The following IFT140 variants were observed in gnomAD, a reference collection of about 807,000 sequenced individuals.
IFT140 encodes the protein intraflagellar transport protein 140 homolog.
Under a neutral mutation model 164.6 loss-of-function variants are expected in IFT140, and 133 were observed. The observed-to-expected ratio is 0.81, with a 90% confidence interval of 0.70 to 0.93. The LOEUF (loss-of-function observed/expected upper bound fraction) is 0.93, where lower values mean the gene tolerates loss of function less well. Ranked by LOEUF, IFT140 falls within the 40% of genes least tolerant of loss-of-function variation. The probability of loss-of-function intolerance (pLI) is 0.00; values close to 1 mark genes in which losing one functional copy is unlikely to be tolerated. For synonymous variants in IFT140, 860 were observed against 817.3 expected, an observed-to-expected ratio of 1.05 and a Z score of -0.89; for missense variants, 2,045 against 1,972.3, an observed-to-expected ratio of 1.04 and a Z score of -0.70.
At position 1,524,799 on chromosome 16, in the gene IFT140, C is replaced by G. The variant is rs1198558228; in HGVS notation, c.2982G>C (p.Gln994His). Residue 994 changes from glutamine (Q) to histidine (H), a missense_variant, in exon 23 of 31, where the codon CAG becomes CAC. Physicochemically the swap from Gln to His is conservative, Grantham distance 24. Transcript: ENST00000426508. ...GGGACCTTACCTTCTGGACATTGCC[C>G]TGGAAGCAGTGGATGCGGACCAGGG... ...HFSLVRIHCF[Q>H]GNVQKAAQIA... is the part of the protein sequence containing the mutation. 2 of 1,610,252 alleles carry G rather than the reference C, an allele frequency of 1.2e-6. No individual in the cohort carries two copies. The highest frequency in any genetic ancestry group is 1.7e-6 in the Non-Finnish European group (2 of 1,177,070).
chr16:1,592,108 GT>G, intron 6 of IFT140, 67 bp downstream of exon 6: 1 of 1,556,178 alleles, frequency 6.4e-7, no homozygotes, highest in South Asian at 1.1e-5. Context: ...CCATCTGTGA[GT>G]TTAAAATCCC....
At chr16:1,534,610 T>C (rs1455049489) in intron 19 of IFT140, 1 of 1,593,312 alleles carries the variant, frequency 6.3e-7, no homozygotes, top group African/African-American at 1.3e-5. Flanking sequence ...CGAGGGCACA[T>C]GGGAGATGTT....
intron 19 of IFT140, among the ~76,000 whole-genome samples, chr16:1,527,681 C>G (rs2040751210): frequency 6.6e-6 from 1 of 152,222 alleles, no homozygotes; most frequent in South Asian, 2.1e-4. Flanking sequence ...AAGTGATCCT[C>G]CCACCTCAGC....
chr16:1,559,784 C>T (rs2033302677), intron 18 of IFT140, among the ~76,000 whole-genome samples: 1 of 152,134 alleles, frequency 6.6e-6, no homozygotes, highest in African/African-American at 2.4e-5. Context: ...GCAAGGTAAG[C>T]AGAAAGTATC....
chr16:1,580,902 C>A, intron 12 of IFT140, 52 bp from the exon 13 acceptor site: 1 of 1,281,498 alleles, frequency 7.8e-7, no homozygotes, highest in Non-Finnish European at 1.1e-6. Flanking sequence ...GCCAGACTTG[C>A]TGGGAGTTTC....
chr16:1,551,961 C>T lies in IFT140; in HGVS notation c.2399+5974G>A, dbSNP rs550810055. 1.1e-4 allele frequency among the ~76,000 whole-genome samples: 17 copies of T among 152,250 alleles called. No individual in the cohort carries two copies. The South Asian group carries it at 3.1e-3, about 28-fold the overall frequency. ...CCTCTCCCTGGTGACGTGTGGCCCG[C>T]GCTGTCCCCCTGCAATGACGGTACC... On this transcript the variant is annotated intron_variant, in intron 19 of 30. Transcript: ENST00000426508. This position sits in a 1 kb window ranked among gnomAD's most constrained non-coding sequence, Gnocchi z 4.0.
intron 13 of IFT140, among the ~76,000 whole-genome samples, chr16:1,573,890 A>G (rs1360218322): frequency 1.3e-5 from 2 of 152,208 alleles, no homozygotes; most frequent in African/African-American, 4.8e-5. Context: ...TGGGGAAAGG[A>G]AAGAACTGTT....
intron 19 of IFT140, chr16:1,542,204 G>A: frequency 9.2e-7 from 1 of 1,084,146 alleles, no homozygotes; most frequent in Admixed American, 3.2e-5. Context: ...CATGGCCACA[G>A]GCCACTGAGA....
At chr16:1,603,222 C>G (rs75640119) in intron 3 of IFT140, among the ~76,000 whole-genome samples, 4,488 of 152,220 alleles carry the variant, frequency 0.029, 97 homozygotes, top group Non-Finnish European at 0.044. Flanking sequence ...TAGTGCGTGG[C>G]TGGGTTCCCT....
Position 1,521,360 on chromosome 16 carries a change from C to T in IFT140, c.3454-552G>A, listed in dbSNP as rs147882423. Among the ~76,000 whole-genome samples, 477 of 151,788 alleles carry T rather than the reference C, an allele frequency of 3.1e-3. 1 individual carries two copies. Among genetic ancestry groups the T allele is most frequent in the South Asian group, 9.0e-3 (43 of 4,802 alleles). On this transcript the variant is annotated intron_variant, in intron 26 of 30. Coordinates refer to ENST00000426508, the MANE Select transcript of IFT140 (RefSeq NM_014714.4). ...GGATTGCAGGCACAAGCCACCGTGC[C>T]GGCCTGATTTTCCTAACATTTTAAG...
chr16:1,517,981 G>A, intron 30 of IFT140: 1 of 387,684 alleles, frequency 2.6e-6, no homozygotes, highest in Non-Finnish European at 4.8e-6. Flanking sequence ...GGGACCCCAG[G>A]TGTGAGCCAC....
chr16:1,523,813 G>A lies in IFT140; in HGVS notation c.3270+15C>T, dbSNP rs762542685. 1.9e-6 allele frequency: 3 copies of A among 1,611,546 alleles called. No individual in the cohort carries two copies. Among genetic ancestry groups the A allele is most frequent in the South Asian group, 2.2e-5 (2 of 91,018 alleles). Reference sequence around the variant, plus strand: ...CTGCCCCTCCCCCAGGTCCCCACCGGTGGCCAGCCCTCACCTTGTGGTACA... The same window carrying A: ...CTGCCCCTCCCCCAGGTCCCCACCGATGGCCAGCCCTCACCTTGTGGTACA... On this transcript the variant is annotated intron_variant, in intron 25 of 30. Coordinates refer to ENST00000426508, the MANE Select transcript of IFT140 (RefSeq NM_014714.4).
At chr16:1,576,131 C>T (rs1375753038) in intron 13 of IFT140, among the ~76,000 whole-genome samples, 1 of 151,518 alleles carries the variant, frequency 6.6e-6, no homozygotes, top group Non-Finnish European at 1.5e-5. Context: ...ACTAAAAATA[C>T]AAAAACTAGC....
intron 18 of IFT140, among the ~76,000 whole-genome samples, chr16:1,559,448 C>T (rs994802753): frequency 7.2e-5 from 11 of 152,136 alleles, no homozygotes; most frequent in African/African-American, 1.9e-4. Flanking sequence ...CTGCTGGACC[C>T]GGATCCACCC....
At chr16:1,556,728 C>T (rs2033108325) in intron 19 of IFT140, among the ~76,000 whole-genome samples, 1 of 152,080 alleles carries the variant, frequency 6.6e-6, no homozygotes, top group Non-Finnish European at 1.5e-5. Flanking sequence ...TTCCCCTGCT[C>T]AACTTTTTTA....
intron 3 of IFT140, 110 bp from the exon 4 acceptor site, chr16:1,602,701 G>T: frequency 1.0e-6 from 1 of 962,248 alleles, no homozygotes; most frequent in Non-Finnish European, 1.6e-6. Flanking sequence ...CAGCACTTTG[G>T]GAGGCTGAGG....
intron 9 of IFT140, 59 bp from the exon 10 acceptor site, chr16:1,586,334 C>T (rs1297706690): frequency 5.9e-6 from 9 of 1,530,830 alleles, no homozygotes; most frequent in Non-Finnish European, 8.0e-6. Context: ...AAAACAGCAA[C>T]AAGCTCTGTT....
chr16:1,542,100 C>T, intron 19 of IFT140: 2 of 1,569,980 alleles, frequency 1.3e-6, no homozygotes, highest in Non-Finnish European at 8.6e-7. Flanking sequence ...CGGGTGTGGC[C>T]ACCGCGCCCT....
intron 19 of IFT140, chr16:1,541,916 C>A: frequency 6.3e-7 from 1 of 1,589,994 alleles, no homozygotes; most frequent in South Asian, 1.1e-5. Flanking sequence ...GCTCTTGGCC[C>A]ACAGTGCAGT....
Sources: gnomAD v4.1 joint callset for allele counts (sites outside exome capture counted in the v4.1 genomes callset) on GRCh38, gnomAD v4.1.1 for gene constraint, Gnocchi (gnomAD v3.1) non-coding constraint, MANE v1.5 for transcripts, NCBI Gene and HGNC (gene_info 2026-07-23, HGNC 2026-07-21) for gene names.